The following FILIP1 variants were observed in gnomAD, a reference collection of about 807,000 sequenced individuals.
FILIP1 encodes the protein filamin-A-interacting protein 1.
In FILIP1, 61 loss-of-function variants were observed where a neutral mutation model predicts 102.1. The observed-to-expected ratio is 0.60, with a 90% CI of 0.49 to 0.74. The LOEUF (loss-of-function observed/expected upper bound fraction) is 0.74. Ranked by LOEUF, FILIP1 falls within the 30% of genes least tolerant of loss-of-function variation. FILIP1 has a pLI of 0.00. For synonymous variants in FILIP1, 491 were observed against 526.9 expected, an observed-to-expected ratio of 0.93 and a Z score of 0.93; for missense variants, 1,314 against 1,441.2, an observed-to-expected ratio of 0.91 and a Z score of 1.43.
At chr6:75,300,623 C>T (rs972496437) in intron 6 of FILIP1, among the ~76,000 whole-genome samples, 1 of 152,184 alleles carries the variant, frequency 6.6e-6, no homozygotes, top group African/African-American at 2.4e-5. Flanking sequence ...TCTGTTAAAA[C>T]ATCTGTTTTA....
At chr6:75,366,620 G>C (rs147610511) in intron 2 of FILIP1, among the ~76,000 whole-genome samples, 1 of 152,046 alleles carries the variant, frequency 6.6e-6, no homozygotes, top group South Asian at 2.1e-4. Context: ...TATATAAGAC[G>C]CCTAACATAA....
At chr6:75,399,938 G>C (rs1043758984) in intron 2 of FILIP1, among the ~76,000 whole-genome samples, 1 of 152,076 alleles carries the variant, frequency 6.6e-6, no homozygotes, top group African/African-American at 2.4e-5. Context: ...GGAGGGGTTG[G>C]AGACTTTTAA....
intron 4 of FILIP1, among the ~76,000 whole-genome samples, chr6:75,339,283 A>C (rs1479519759): frequency 6.6e-6 from 1 of 152,018 alleles, no homozygotes; most frequent in South Asian, 2.1e-4. Context: ...TGTCTCATCT[A>C]CTCTGGTTCC....
At position 75,314,783 on chromosome 6, in the gene FILIP1, T is replaced by G. The variant is rs1389277447; in HGVS notation, c.1049A>C (p.Lys350Thr). 1 of 1,613,990 alleles carries G rather than the reference T, an allele frequency of 6.2e-7. No individual in the cohort carries two copies. The highest frequency in any genetic ancestry group is 2.2e-5 in the East Asian group (1 of 44,894). Residue 350 changes from lysine (K) to threonine (T), a missense_variant, in exon 5 of 6, where the codon AAA becomes ACA. Lys to Thr is a moderately conservative substitution (Grantham distance 78). Coordinates refer to ENST00000237172, the MANE Select transcript of FILIP1 (RefSeq NM_015687.5). ...QRIEELEETN[K>T]NLQKAEEELQ... ...TTCTTCCTCTGCCTTCTGCAGATTT[T>G]TGTTGGTCTCTTCTAGCTCCTCGAT... is the stretch of plus-strand genomic sequence containing the variant.
intron 1 of FILIP1, among the ~76,000 whole-genome samples, chr6:75,434,926 T>G (rs1358879020): frequency 6.6e-6 from 1 of 152,228 alleles, no homozygotes; most frequent in Non-Finnish European, 1.5e-5. Context: ...AAGGCCTTTT[T>G]GCATCTAATG....
intron 4 of FILIP1, among the ~76,000 whole-genome samples, chr6:75,321,857 GA>G (rs942355332): frequency 2.6e-5 from 4 of 151,404 alleles, no homozygotes; most frequent in Non-Finnish European, 5.9e-5. Flanking sequence ...TCTAAAGAGA[GA>G]AAAAGGATAG....
At chr6:75,415,099 A>T (rs1334532899) in intron 1 of FILIP1, 121 bp from the exon 2 acceptor site, 1 of 929,496 alleles carries the variant, frequency 1.1e-6, no homozygotes, top group African/African-American at 1.7e-5. Context: ...AATCAAATTA[A>T]CATGTCATTA....
intron 1 of FILIP1, among the ~76,000 whole-genome samples, chr6:75,488,363 A>G (rs1484043033): frequency 1.3e-5 from 2 of 152,028 alleles, no homozygotes; most frequent in African/African-American, 4.8e-5. Flanking sequence ...AAACTGCCTC[A>G]GCTACTACCA....
intron 3 of FILIP1, among the ~76,000 whole-genome samples, chr6:75,359,099 A>G (rs1775097775): frequency 6.6e-6 from 1 of 152,086 alleles, no homozygotes; most frequent in Non-Finnish European, 1.5e-5. Flanking sequence ...GAGGCCTCCC[A>G]GGTTCAAGTG....
chr6:75,492,063 G>A (rs1478743666), intron 1 of FILIP1, among the ~76,000 whole-genome samples: 1 of 152,136 alleles, frequency 6.6e-6, no homozygotes, highest in Non-Finnish European at 1.5e-5. Flanking sequence ...TAAAGCACCA[G>A]GAGTTTCAGT....
At chr6:75,340,023 A>C (rs1774370083) in intron 4 of FILIP1, among the ~76,000 whole-genome samples, 1 of 151,974 alleles carries the variant, frequency 6.6e-6, no homozygotes, top group Admixed American at 6.6e-5. Flanking sequence ...TAAATATACA[A>C]ATTTATAGAA....
chr6:75,318,150 T>C (rs73751113), intron 4 of FILIP1, among the ~76,000 whole-genome samples: 271 of 152,148 alleles, frequency 1.8e-3, no homozygotes, highest in African/African-American at 6.3e-3. Context: ...CCTCCAAGTT[T>C]CACTTCAATG....
At chr6:75,292,913 G>A (rs1262599816) in exon 7 of FILIP1, 1 of 152,132 alleles carries the variant, frequency 6.6e-6, no homozygotes, top group Non-Finnish European at 1.5e-5. Flanking sequence ...TATTACTGCA[G>A]TAGCGCTGTT....
intron 2 of FILIP1, among the ~76,000 whole-genome samples, chr6:75,381,482 C>T (rs1008198332): frequency 1.3e-5 from 2 of 152,120 alleles, no homozygotes; most frequent in African/African-American, 4.8e-5. Flanking sequence ...CCCACCTTGG[C>T]CTCCCAAAGT....
chr6:75,338,440 G>A (rs922629848), intron 4 of FILIP1, among the ~76,000 whole-genome samples: 3 of 152,206 alleles, frequency 2.0e-5, no homozygotes, highest in African/African-American at 7.2e-5. Flanking sequence ...CAGTCAAAGA[G>A]CCAGAGAGGA....
downstream of FILIP1, among the ~76,000 whole-genome samples, chr6:75,305,185 C>T (rs549246514): frequency 9.1e-4 from 138 of 152,184 alleles, 2 homozygotes; most frequent in South Asian, 0.023. Context: ...CTGGGAAATC[C>T]TCTCTATGCT....
At chr6:75,425,547 T>C (rs969329367) in intron 1 of FILIP1, among the ~76,000 whole-genome samples, 3 of 152,134 alleles carry the variant, frequency 2.0e-5, no homozygotes, top group Admixed American at 2.0e-4. Flanking sequence ...AGGTGTCTCA[T>C]CACCTCATAC....
chr6:75,491,962 G>A (rs1003538523), intron 1 of FILIP1, among the ~76,000 whole-genome samples: 9 of 152,154 alleles, frequency 5.9e-5, no homozygotes, highest in Non-Finnish European at 1.2e-4. Flanking sequence ...AGTCAACAAT[G>A]TGACCCTTCT....
intron 1 of FILIP1, among the ~76,000 whole-genome samples, chr6:75,449,237 C>T (rs1156961946): frequency 6.6e-6 from 1 of 152,028 alleles, no homozygotes; most frequent in African/African-American, 2.4e-5. Flanking sequence ...AATGGAAAAC[C>T]AAACATCGTA....
Sources: gnomAD v4.1 joint callset for allele counts (sites outside exome capture counted in the v4.1 genomes callset) on GRCh38, gnomAD v4.1.1 for gene constraint, MANE v1.5 for transcripts, NCBI Gene and HGNC (gene_info 2026-07-23, HGNC 2026-07-21) for gene names.